Variants in RHPN2 observed in about 807,000 individuals in gnomAD.
The protein encoded by RHPN2 is rhophilin Rho GTPase binding protein 2.
RHPN2 carries 40 observed loss-of-function variants against 79.0 expected under a neutral mutation model. The ratio of observed to expected loss-of-function variants is 0.51; its 90% CI spans 0.39 to 0.66. The LOEUF (loss-of-function observed/expected upper bound fraction) is 0.66, where lower values mean the gene tolerates loss of function less well. Ranked by LOEUF, RHPN2 falls within the 30% of genes least tolerant of loss-of-function variation. RHPN2 has a pLI of 0.00. For missense variants in RHPN2, 686 were observed against 883.5 expected (o/e 0.78, Z 2.83); for synonymous variants, 285 against 363.5 (o/e 0.78, Z 2.46).
At chr19:33,036,724 G>A (rs372795176) in intron 2 of RHPN2, among the ~76,000 whole-genome samples, 5 of 152,202 alleles carry the variant, frequency 3.3e-5, no homozygotes, top group South Asian at 4.1e-4. Context: ...GACGGGCCCC[G>A]CACTAGGAGC....
intron 1 of RHPN2, among the ~76,000 whole-genome samples, chr19:33,054,781 C>T (rs796664395): frequency 6.6e-6 from 1 of 152,380 alleles, no homozygotes; most frequent in African/African-American, 2.4e-5. Context: ...AAGTGTTGAT[C>T]AGGCTAAAGC....
At chr19:33,064,755 T>TGGGGGGCG in intron 1 of RHPN2, 29 bp downstream of exon 1, 1 of 1,427,948 alleles carries the variant, frequency 7.0e-7, no homozygotes, top group Non-Finnish European at 9.4e-7. Flanking sequence ...AGCCCGCAGG[T>TGGGGGGCG]CCCCGCCCGC....
intron 1 of RHPN2, among the ~76,000 whole-genome samples, chr19:33,047,686 G>T (rs762447494): frequency 1.3e-5 from 2 of 152,146 alleles, no homozygotes; most frequent in African/African-American, 4.8e-5. Context: ...CAGGGAGGGA[G>T]ATGTGAGTTA....
At chr19:33,022,860 G>A (rs970840921) in intron 3 of RHPN2, among the ~76,000 whole-genome samples, 2 of 152,130 alleles carry the variant, frequency 1.3e-5, no homozygotes, top group Admixed American at 6.6e-5. Context: ...AGTCCCATCC[G>A]GGGGCATGGA....
At chr19:33,019,515 G>T (rs544632033) in intron 4 of RHPN2, among the ~76,000 whole-genome samples, 1 of 152,046 alleles carries the variant, frequency 6.6e-6, no homozygotes, top group Non-Finnish European at 1.5e-5. Flanking sequence ...GGAGGTGAAG[G>T]TTGCGGTGAG....
intron 1 of RHPN2, among the ~76,000 whole-genome samples, chr19:33,063,345 G>C (rs1462425223): frequency 6.6e-6 from 1 of 151,930 alleles, no homozygotes; most frequent in Non-Finnish European, 1.5e-5. Flanking sequence ...GTCCTGCCCA[G>C]GGCTCCTCAC....
At chr19:33,055,066 T>C (rs1308553966) in intron 1 of RHPN2, among the ~76,000 whole-genome samples, 1 of 152,058 alleles carries the variant, frequency 6.6e-6, no homozygotes, top group Admixed American at 6.6e-5. Context: ...GCCTTTAAGA[T>C]CTGGCTTAGG....
chr19:33,026,743 G>A (rs1014447002), intron 2 of RHPN2, 111 bp from the exon 3 acceptor site: 10 of 1,285,436 alleles, frequency 7.8e-6, no homozygotes, highest in Admixed American at 3.5e-5. Context: ...AGCTTGCAGA[G>A]GAGGGCCAGG....
At chr19:33,028,257 A>C (rs1202000594) in intron 2 of RHPN2, among the ~76,000 whole-genome samples, 2 of 151,892 alleles carry the variant, frequency 1.3e-5, no homozygotes, top group African/African-American at 4.8e-5. Context: ...CCCAGGCTGA[A>C]GCCATCCTCC....
In RHPN2 at chr19:32,996,057, C is replaced by G; in HGVS notation, c.1389G>C (p.Leu463=). The stretch of plus-strand genomic sequence containing the variant: ...CACTGGGGGCGTCGATCAGGTTCAG[C>G]AGGTCATCCTCCTCCTGGTGCTGGG... ...TYAQHQEEDD[L]LNLIDAPSVV... is the part of the protein sequence containing the mutation. Residue 463 remains leucine (L), a synonymous_variant, in exon 11 of 15, where the codon CTG becomes CTC. Transcript: ENST00000254260. The G allele has an allele frequency of 6.2e-7, 1 of 1,614,020 alleles. No individual in the cohort carries two copies. The highest frequency in any genetic ancestry group is 8.5e-7 in the Non-Finnish European group (1 of 1,179,868).
intron 2 of RHPN2, among the ~76,000 whole-genome samples, chr19:33,036,999 G>C (rs750877025): frequency 6.6e-6 from 1 of 152,232 alleles, no homozygotes; most frequent in Non-Finnish European, 1.5e-5. Context: ...GCAGGGCGCC[G>C]GACTGGCAGG....
chr19:33,046,823 T>A (rs549916297), intron 1 of RHPN2, among the ~76,000 whole-genome samples: 1 of 152,250 alleles, frequency 6.6e-6, no homozygotes, highest in South Asian at 2.1e-4. Flanking sequence ...CAACTGTATA[T>A]CTTCTTCGAA....
At chr19:33,013,493 C>A (rs200978247) in intron 4 of RHPN2, among the ~76,000 whole-genome samples, 1 of 152,130 alleles carries the variant, frequency 6.6e-6, no homozygotes, top group African/African-American at 2.4e-5. Flanking sequence ...CTGCAACACA[C>A]GCCTATGTTT....
intron 10 of RHPN2, 65 bp downstream of exon 10, chr19:32,999,521 T>C: frequency 2.5e-6 from 4 of 1,581,376 alleles, no homozygotes; most frequent in Non-Finnish European, 2.6e-6. Flanking sequence ...TCTCTGTGGC[T>C]GGCTGTGAGC....
chr19:32,982,615 A>T (rs1317457488), intron 14 of RHPN2, among the ~76,000 whole-genome samples: 1 of 152,028 alleles, frequency 6.6e-6, no homozygotes, highest in African/African-American at 2.4e-5. Flanking sequence ...CTGGAGACAG[A>T]TGTGAGGCCT....
intron 7 of RHPN2, 110 bp from the exon 8 acceptor site, chr19:33,003,110 AC>A: frequency 2.1e-6 from 2 of 967,442 alleles, no homozygotes; most frequent in Non-Finnish European, 1.6e-6. Context: ...CATAATCCCA[AC>A]ACTTTGGGAG....
chr19:32,995,225 A>G (rs1404351786), intron 11 of RHPN2, among the ~76,000 whole-genome samples: 1 of 151,894 alleles, frequency 6.6e-6, no homozygotes, highest in Admixed American at 6.6e-5. Flanking sequence ...GGTATGCACC[A>G]CCACACCTGA....
chr19:33,031,793 T>A (rs1445975283), intron 2 of RHPN2, among the ~76,000 whole-genome samples: 1 of 151,938 alleles, frequency 6.6e-6, no homozygotes, highest in Non-Finnish European at 1.5e-5. Context: ...GTGATTCTCC[T>A]GCCTCAGCCT....
chr19:32,984,532 G>A (rs929676804), intron 14 of RHPN2, among the ~76,000 whole-genome samples: 37 of 152,114 alleles, frequency 2.4e-4, no homozygotes, highest in African/African-American at 8.7e-4. Flanking sequence ...CGTGGTGGGT[G>A]CATGTAATCC....
Sources: gnomAD v4.1 joint callset for allele counts (sites outside exome capture counted in the v4.1 genomes callset) on GRCh38, gnomAD v4.1.1 for gene constraint, MANE v1.5 for transcripts, NCBI Gene and HGNC (gene_info 2026-07-23, HGNC 2026-07-21) for gene names.